Variants in CNTNAP2 observed in about 807,000 individuals in gnomAD.
The protein encoded by CNTNAP2 is contactin-associated protein-like 2.
Under a neutral mutation model 155.2 loss-of-function variants are expected in CNTNAP2, and 98 were observed. The ratio of observed to expected loss-of-function variants is 0.63; its 90% CI spans 0.54 to 0.75. The LOEUF (loss-of-function observed/expected upper bound fraction) is 0.75, where lower values mean the gene tolerates loss of function less well. Among genes scored for constraint, CNTNAP2 ranks in the 30% least tolerant of loss-of-function variants. CNTNAP2 has a pLI of 0.00. For synonymous variants in CNTNAP2, 651 were observed against 631.2 expected (o/e 1.03, Z -0.47); for missense variants, 1,727 against 1,688.1 (o/e 1.02, Z -0.40).
rs71165058 is a variant in CNTNAP2, at chr7:146,989,541, C to CAAAAA, written c.403-54363_403-54362insAAAAA. On this transcript the variant is annotated intron_variant, in intron 3 of 23. Coordinates refer to ENST00000361727, the MANE Select transcript of CNTNAP2 (RefSeq NM_014141.6). ...GACTCCTTTAACACAAACAAACAAA[C>CAAAAA]AAACCCACAAAAAGCTATTATACAT... Among the ~76,000 whole-genome samples the CAAAAA allele has an allele frequency of 4.3e-3, 653 of 151,806 alleles. 3 individuals are homozygous for CAAAAA. Among genetic ancestry groups the CAAAAA allele is most frequent in the Middle Eastern group, 6.8e-3 (2 of 294 alleles).
rs979006258 is a variant in CNTNAP2, at chr7:147,391,175, T to C, written c.1499-4434T>C. The stretch of plus-strand genomic sequence containing the variant: ...TAGATTATGCACAGAGAAACCAAAT[T>C]AGACTCTCTGGTTCAAAAGTGGAGA... On this transcript the variant is annotated intron_variant, in intron 9 of 23. Transcript: ENST00000361727. Among the ~76,000 whole-genome samples, 28 of 152,106 alleles carry C rather than the reference T, an allele frequency of 1.8e-4. 1 individual carries two copies. Among genetic ancestry groups the C allele is most frequent in the African/African-American group, 6.5e-4 (27 of 41,446 alleles).
At chr7:146,817,214 G>A (rs1221326879) in intron 2 of CNTNAP2, among the ~76,000 whole-genome samples, 1 of 152,138 alleles carries the variant, frequency 6.6e-6, no homozygotes, top group African/African-American at 2.4e-5. Flanking sequence ...ACTCACCCCT[G>A]TAATCCCAGC....
At chr7:147,346,842 C>T (rs975958570) in intron 9 of CNTNAP2, among the ~76,000 whole-genome samples, 5 of 152,166 alleles carry the variant, frequency 3.3e-5, no homozygotes, top group Admixed American at 3.3e-4. Flanking sequence ...TTATTTTCCA[C>T]TTGCTCCACT....
chr7:146,422,598 A>G (rs1335265917), intron 1 of CNTNAP2, among the ~76,000 whole-genome samples: 1 of 152,006 alleles, frequency 6.6e-6, no homozygotes, highest in Non-Finnish European at 1.5e-5. Flanking sequence ...AGCACACAAC[A>G]CAAAATATCC....
chr7:147,693,202 T>A (rs1273597433), intron 13 of CNTNAP2, among the ~76,000 whole-genome samples: 1 of 152,110 alleles, frequency 6.6e-6, no homozygotes, highest in Non-Finnish European at 1.5e-5. Flanking sequence ...GTTCAGCTAA[T>A]CTATTTGTCT....
At chr7:146,786,154 A>G (rs1271984915) in intron 2 of CNTNAP2, among the ~76,000 whole-genome samples, 1 of 152,186 alleles carries the variant, frequency 6.6e-6, no homozygotes, top group Non-Finnish European at 1.5e-5. Context: ...TGAAAATTAC[A>G]ATTCCTCTAT....
chr7:147,399,002 G>A (rs6963863), intron 10 of CNTNAP2, among the ~76,000 whole-genome samples: 37,604 of 151,676 alleles, frequency 0.25, 5,403 homozygotes, highest in African/African-American at 0.39. Flanking sequence ...ATAAGCCTCC[G>A]TTGAAAAGAT....
In CNTNAP2 at chr7:146,355,260, C is replaced by G. The variant is rs139374793; in HGVS notation, c.97+238287C>G. ...ATCAAAAACTTGATTTAAGCCATAG[C>G]CAGTACATAAAAATTCATTTTTGTT... On this transcript the variant is annotated intron_variant, in intron 1 of 23. Coordinates refer to ENST00000361727, the MANE Select transcript of CNTNAP2 (RefSeq NM_014141.6). 2.5e-3 allele frequency among the ~76,000 whole-genome samples: 388 copies of G among 152,192 alleles called. 1 individual carries two copies. The highest frequency in any genetic ancestry group is 8.3e-3 in the African/African-American group (346 of 41,538).
intron 1 of CNTNAP2, among the ~76,000 whole-genome samples, chr7:146,436,254 C>T (rs1171094287): frequency 6.6e-6 from 1 of 151,918 alleles, no homozygotes; most frequent in Admixed American, 6.6e-5. Flanking sequence ...ATCTTCATTC[C>T]CCATACAAAT....
At chr7:147,444,510 G>C (rs1797697382) in intron 10 of CNTNAP2, among the ~76,000 whole-genome samples, 1 of 145,028 alleles carries the variant, frequency 6.9e-6, no homozygotes, top group Admixed American at 6.9e-5. Context: ...ATTTCTTTTA[G>C]TCTAATTAAA....
chr7:146,671,975 C>G (rs1321209693), intron 1 of CNTNAP2, among the ~76,000 whole-genome samples: 1 of 151,916 alleles, frequency 6.6e-6, no homozygotes, highest in Admixed American at 6.6e-5. Context: ...GCCACTGCAC[C>G]CAAATAATTT....
chr7:146,452,013 A>G (rs568398336), intron 1 of CNTNAP2, among the ~76,000 whole-genome samples: 223 of 151,586 alleles, frequency 1.5e-3, no homozygotes, highest in African/African-American at 5.3e-3. Flanking sequence ...GGTTCAAGTG[A>G]TTCTCCTGCC....
At chr7:148,038,141 C>T (rs1802604743) in intron 15 of CNTNAP2, among the ~76,000 whole-genome samples, 1 of 152,278 alleles carries the variant, frequency 6.6e-6, no homozygotes, top group Non-Finnish European at 1.5e-5. Flanking sequence ...TCTGTCAAAA[C>T]CTTTCCATAT....
chr7:147,307,455 G>A (rs984128973), intron 9 of CNTNAP2, among the ~76,000 whole-genome samples: 8 of 151,856 alleles, frequency 5.3e-5, no homozygotes, highest in East Asian at 1.9e-4. Context: ...GGTGGCACAC[G>A]TGCCTGTAGT....
At chr7:147,918,438 A>G (rs1169285497) in intron 14 of CNTNAP2, among the ~76,000 whole-genome samples, 1 of 152,184 alleles carries the variant, frequency 6.6e-6, no homozygotes, top group Non-Finnish European at 1.5e-5. Flanking sequence ...TTTATATTCA[A>G]TAGTGAGGTA....
intron 15 of CNTNAP2, among the ~76,000 whole-genome samples, chr7:148,101,663 C>T (rs918687615): frequency 2.0e-5 from 3 of 152,136 alleles, no homozygotes; most frequent in South Asian, 4.1e-4. Context: ...CCTTGTTCTT[C>T]GTCCAGAGCC....
At chr7:146,835,992 C>T (rs1424575806) in intron 2 of CNTNAP2, among the ~76,000 whole-genome samples, 12 of 152,098 alleles carry the variant, frequency 7.9e-5, no homozygotes, top group Non-Finnish European at 1.8e-4. Flanking sequence ...ATACCATCTA[C>T]ATGTGCCTCT....
At chr7:146,624,070 TC>T (rs915136439) in intron 1 of CNTNAP2, among the ~76,000 whole-genome samples, 3 of 152,062 alleles carry the variant, frequency 2.0e-5, no homozygotes, top group Non-Finnish European at 2.9e-5. Context: ...TGATACCGTG[TC>T]TTTTTGATTA....
chr7:147,255,222 TACACACAC>T (rs377206800), intron 8 of CNTNAP2, among the ~76,000 whole-genome samples: 237 of 151,722 alleles, frequency 1.6e-3, no homozygotes, highest in Admixed American at 3.4e-3. Flanking sequence ...AAATATTACA[TACACACAC>T]ACACACAAAC....
Sources: gnomAD v4.1 joint callset for allele counts (sites outside exome capture counted in the v4.1 genomes callset) on GRCh38, gnomAD v4.1.1 for gene constraint, MANE v1.5 for transcripts, NCBI Gene and HGNC (gene_info 2026-07-23, HGNC 2026-07-21) for gene names.